Variants in FAM107B observed in about 807,000 individuals in gnomAD.
The protein encoded by FAM107B is protein FAM107B.
In FAM107B, 21 loss-of-function variants were observed where a neutral mutation model predicts 31.5. The observed-to-expected ratio is 0.67, with a 90% CI of 0.47 to 0.96. The LOEUF is 0.96. FAM107B is among the 40% of genes least tolerant of loss of function. The pLI, the probability that FAM107B is intolerant of heterozygous loss-of-function variation, is 0.00. For synonymous variants in FAM107B, 157 were observed against 141.5 expected, an observed-to-expected ratio of 1.11 and a Z score of -0.78; for missense variants, 452 against 377.1, an observed-to-expected ratio of 1.20 and a Z score of -1.64.
intron 2 of FAM107B, among the ~76,000 whole-genome samples, chr10:14,558,292 TACACGCAC>T (rs748706740): frequency 1.4e-4 from 21 of 148,778 alleles, no homozygotes; most frequent in African/African-American, 4.2e-4. Context: ...CACACACACA[TACACGCAC>T]ACACGCACAC....
At chr10:14,720,674 C>T (rs1278265474) in intron 1 of FAM107B, among the ~76,000 whole-genome samples, 2 of 152,118 alleles carry the variant, frequency 1.3e-5, no homozygotes, top group Admixed American at 1.3e-4. Context: ...GAATGGATCC[C>T]TCAACATTCT....
At chr10:14,649,179 C>T (rs1280366936) in intron 2 of FAM107B, among the ~76,000 whole-genome samples, 2 of 152,166 alleles carry the variant, frequency 1.3e-5, no homozygotes, top group African/African-American at 4.8e-5. Flanking sequence ...CTAACATTAG[C>T]ATTAAAACAG....
At chr10:14,610,066 G>C (rs896825307) in intron 2 of FAM107B, among the ~76,000 whole-genome samples, 2 of 152,208 alleles carry the variant, frequency 1.3e-5, no homozygotes, top group African/African-American at 4.8e-5. Flanking sequence ...CATCTAGGCC[G>C]GGCACGGTGG....
Position 14,582,538 on chromosome 10 carries a change from C to T in FAM107B, c.470-52023G>A, listed in dbSNP as rs565911625. ...ACTAACAGGCGCCTGCCACCACACC[C>T]GGCTAATTTTTTGTATTTTTAGTAG... On this transcript the variant is annotated intron_variant, in intron 2 of 4. Coordinates refer to ENST00000181796, the MANE Select transcript of FAM107B (RefSeq NM_031453.4). 1.4e-4 allele frequency among the ~76,000 whole-genome samples: 21 copies of T among 151,820 alleles called. No individual in the cohort carries two copies. The South Asian group carries it at 1.9e-3, about 14-fold the overall frequency.
rs1459920592 is a variant in FAM107B at position 14,629,480 on chromosome 10, A to T, written c.469+38154T>A. ...TATTATATATATATTTAATATATAT[A>T]TAACATATATAATATATATATATTT... On this transcript the variant is annotated intron_variant, in intron 2 of 4. Coordinates refer to ENST00000181796, the MANE Select transcript of FAM107B (RefSeq NM_031453.4). 2.6e-3 allele frequency among the ~76,000 whole-genome samples: 283 copies of T among 108,960 alleles called. 10 individuals carry two copies. The highest frequency in any genetic ancestry group is 3.9e-3 in the African/African-American group (97 of 25,070). The allele number at this position is 108,960 out of a possible 152,430, so 71.5% of individuals were successfully genotyped here. A position where few individuals can be genotyped will look rare whatever the true frequency, so the allele number is the denominator to read the frequency against.
At chr10:14,581,183 G>A (rs960432984) in intron 2 of FAM107B, among the ~76,000 whole-genome samples, 2 of 152,210 alleles carry the variant, frequency 1.3e-5, no homozygotes, top group Non-Finnish European at 2.9e-5. Context: ...AACAAGAGCT[G>A]AGTAAGAGAG....
At position 14,530,466 on chromosome 10, in the gene FAM107B, T is replaced by G. The variant is rs372272560; in HGVS notation, c.519A>C (p.Arg173Ser). The stretch of plus-strand genomic sequence containing the variant: ...TGTAGTCTGGCTCGGCCATGATGCT[T>G]CTTGTAATGAGATATGAGTCCTTAT... ...IDHKDSYLIT[R>S]SIMAEPDYIE... Residue 173 changes from arginine (R) to serine (S), a missense_variant, in exon 3 of 5, where the codon AGA (arginine) becomes AGC (serine). Arg to Ser is a moderately radical substitution (Grantham distance 110, BLOSUM62 -1). Coordinates refer to ENST00000181796, the MANE Select transcript of FAM107B (RefSeq NM_031453.4). The G allele has an allele frequency of 3.7e-6, 6 of 1,613,930 alleles. No individual in the cohort carries two copies. The African/African-American group carries it at 8.0e-5, about 22-fold the overall frequency.
chr10:14,735,118 C>G (rs1045181481), intron 1 of FAM107B, among the ~76,000 whole-genome samples: 1 of 152,170 alleles, frequency 6.6e-6, no homozygotes, highest in Admixed American at 6.5e-5. Context: ...CCTGTCCATT[C>G]CAGCGGATAA....
intron 2 of FAM107B, among the ~76,000 whole-genome samples, chr10:14,557,031 C>G (rs1849767017): frequency 6.6e-6 from 1 of 152,226 alleles, no homozygotes; most frequent in Non-Finnish European, 1.5e-5. Context: ...GAGCGCATGA[C>G]CCTCCCAAGC....
chr10:14,547,400 G>A (rs1411737886), intron 2 of FAM107B, among the ~76,000 whole-genome samples: 1 of 152,060 alleles, frequency 6.6e-6, no homozygotes, highest in East Asian at 1.9e-4. Context: ...TCAAATCTCC[G>A]TATATTGGCC....
intron 1 of FAM107B, among the ~76,000 whole-genome samples, chr10:14,711,603 A>T (rs949129185): frequency 6.6e-6 from 1 of 152,182 alleles, no homozygotes; most frequent in Admixed American, 6.5e-5. Flanking sequence ...GTAATGATGA[A>T]ATTGCCTAAT....
At position 14,742,283 on chromosome 10, in the gene FAM107B, A is replaced by ATT. The variant is rs113119651; in HGVS notation, c.411+31968_411+31969dup. On this transcript the variant is annotated intron_variant, in intron 1 of 4. Transcript: ENST00000181796. ...AGGTGCATGCCACCACACCCAGCTC[A>ATT]TTTTTTTTTTTTTTGTAAAGGCAAG... Among the ~76,000 whole-genome samples the ATT allele has an allele frequency of 5.7e-5, 8 of 139,882 alleles. No individual in the cohort carries two copies. In the East Asian group the frequency reaches 1.1e-3, roughly 18 times the overall value. The allele number at this position is 139,882 out of a possible 152,430, so 91.8% of individuals were successfully genotyped here.
rs369321562 is a variant in FAM107B, at chr10:14,767,024, GTATATATATATA to G, written c.411+7217_411+7228del. ...GCAGAACAATATCCCTGATGTGTAT[GTATATATATATA>G]TATATATATATATATATATAGAGAG... On this transcript the variant is annotated intron_variant, in intron 1 of 4. Coordinates refer to ENST00000181796, the MANE Select transcript of FAM107B (RefSeq NM_031453.4). 1.4e-3 allele frequency among the ~76,000 whole-genome samples: 22 copies of G among 16,226 alleles called. 1 individual carries two copies. The highest frequency in any genetic ancestry group is 1.8e-3 in the Non-Finnish European group (8 of 4,410). 10.6% of individuals were successfully genotyped at this position (16,226 alleles called of 152,430 possible).
intron 3 of FAM107B, among the ~76,000 whole-genome samples, chr10:14,522,974 G>A (rs1227229224): frequency 6.6e-6 from 1 of 152,080 alleles, no homozygotes; most frequent in Non-Finnish European, 1.5e-5. Context: ...TCGGCCTTCA[G>A]GGAAGTCCTA....
chr10:14,773,686 C>A (rs1212735574), intron 1 of FAM107B, among the ~76,000 whole-genome samples: 1 of 152,154 alleles, frequency 6.6e-6, no homozygotes, highest in Non-Finnish European at 1.5e-5. Context: ...CTGCCTTCAA[C>A]TCTCAGAAGA....
intron 1 of FAM107B, among the ~76,000 whole-genome samples, chr10:14,670,491 T>C (rs1267729219): frequency 1.3e-5 from 2 of 152,190 alleles, no homozygotes; most frequent in Non-Finnish European, 2.9e-5. Context: ...GAACAGTATA[T>C]AATGAAAACA....
At chr10:14,681,880 G>A (rs1047610377) in intron 1 of FAM107B, among the ~76,000 whole-genome samples, 4 of 152,214 alleles carry the variant, frequency 2.6e-5, no homozygotes, top group African/African-American at 7.2e-5. Context: ...GAGAGGCATT[G>A]GTAATAGCGA....
At chr10:14,566,172 A>T (rs1050055674) in intron 2 of FAM107B, among the ~76,000 whole-genome samples, 1 of 152,238 alleles carries the variant, frequency 6.6e-6, no homozygotes, top group South Asian at 2.1e-4. Flanking sequence ...CAGTTTCACT[A>T]AAGTAGCAGA....
chr10:14,632,665 A>C (rs1209577026), intron 2 of FAM107B, among the ~76,000 whole-genome samples: 1 of 152,066 alleles, frequency 6.6e-6, no homozygotes, highest in Non-Finnish European at 1.5e-5. Context: ...ATTATTACGT[A>C]AAGAAACCCA....
Sources: gnomAD v4.1 joint callset for allele counts (sites outside exome capture counted in the v4.1 genomes callset) on GRCh38, gnomAD v4.1.1 for gene constraint, MANE v1.5 for transcripts, NCBI Gene and HGNC (gene_info 2026-07-23, HGNC 2026-07-21) for gene names.